GRIN3A: variants seen among roughly 807,000 people sequenced by gnomAD.
The protein encoded by GRIN3A is glutamate ionotropic receptor NMDA type subunit 3A.
In GRIN3A, 47 loss-of-function variants were observed where a neutral mutation model predicts 92.4. That is an observed-to-expected ratio of 0.51 (90% confidence interval 0.40 to 0.65). The LOEUF is 0.65. Ranked by LOEUF, GRIN3A falls within the 30% of genes least tolerant of loss-of-function variation. The pLI, the probability that GRIN3A is intolerant of heterozygous loss-of-function variation, is 0.00. For synonymous variants in GRIN3A, 527 were observed against 540.6 expected, an observed-to-expected ratio of 0.97 and a Z score of 0.35; for missense variants, 1,324 against 1,393.1, an observed-to-expected ratio of 0.95 and a Z score of 0.79.
chr9:101,637,760 G>C (rs541822924), intron 3 of GRIN3A, among the ~76,000 whole-genome samples: 1 of 152,282 alleles, frequency 6.6e-6, no homozygotes, highest in South Asian at 2.1e-4. Context: ...GCATAAAGGA[G>C]AGTTCTGAAC....
intron 1 of GRIN3A, among the ~76,000 whole-genome samples, chr9:101,721,895 T>A (rs7036726): frequency 0.75 from 113,724 of 152,136 alleles, 42,780 homozygotes; most frequent in Middle Eastern, 0.84. Context: ...GAAAATTTGC[T>A]GCCTGATGAT....
chr9:101,618,382 C>T (rs2118860242), intron 5 of GRIN3A, among the ~76,000 whole-genome samples: 1 of 152,040 alleles, frequency 6.6e-6, no homozygotes, highest in South Asian at 2.1e-4. Flanking sequence ...AAAAAGTGGG[C>T]AAAGGACATG....
chr9:101,619,745 GAT>G, intron 5 of GRIN3A, among the ~76,000 whole-genome samples: 1 of 152,288 alleles, frequency 6.6e-6, no homozygotes, highest in Admixed American at 6.5e-5. Context: ...TTGGCAGAAA[GAT>G]CACACATCAT....
chr9:101,578,984 A>T (rs1827858676), intron 7 of GRIN3A, among the ~76,000 whole-genome samples: 1 of 152,230 alleles, frequency 6.6e-6, no homozygotes, highest in Non-Finnish European at 1.5e-5. Context: ...GGAGGGTTAT[A>T]GGAAAGGAAG....
intron 3 of GRIN3A, among the ~76,000 whole-genome samples, chr9:101,659,771 C>A (rs529959748): frequency 1.3e-5 from 2 of 151,816 alleles, no homozygotes; most frequent in South Asian, 4.1e-4. Flanking sequence ...AAACTCAGCA[C>A]GGTATCTAAT....
intron 1 of GRIN3A, among the ~76,000 whole-genome samples, chr9:101,712,058 A>T (rs1207488595): frequency 2.0e-5 from 3 of 152,110 alleles, no homozygotes; most frequent in Non-Finnish European, 4.4e-5. Context: ...TAAGCCTCTA[A>T]ATATTTCTAT....
intron 5 of GRIN3A, among the ~76,000 whole-genome samples, chr9:101,621,462 G>T (rs929387988): frequency 6.6e-6 from 1 of 152,116 alleles, no homozygotes; most frequent in Non-Finnish European, 1.5e-5. Context: ...TTAATTTTCT[G>T]ATGTGTACCC....
At position 101,571,994 on chromosome 9, in the gene GRIN3A, C is replaced by T. The variant is rs903169548; in HGVS notation, c.*1180G>A. ...TAAGCAGAGGGGAGGTTACTTGTAT[C>T]AGTCTTTGGGGGGCATTAGATGAGG... is the stretch of plus-strand genomic sequence containing the variant. On this transcript the variant is annotated 3_prime_UTR_variant, in exon 9 of 9. Transcript: ENST00000361820. 1 of 152,208 alleles carries T rather than the reference C, an allele frequency of 6.6e-6. No homozygotes were observed. The highest frequency in any genetic ancestry group is 2.4e-5 in the African/African-American group (1 of 41,432). 9.4% of individuals were successfully genotyped at this position (152,208 alleles called of 1,614,324 possible).
At position 101,670,929 on chromosome 9, in the gene GRIN3A, T is replaced by C; in HGVS notation, c.1483A>G (p.Ile495Val). 6.2e-7 allele frequency: 1 copy of C among 1,613,884 alleles called. No homozygotes were observed. The highest frequency in any genetic ancestry group is 2.2e-5 in the East Asian group (1 of 44,848). The change falls in exon 3 of 9, where the codon ATA (isoleucine) becomes GTA (valine). Residue 495 changes from isoleucine (I) to valine (V), a missense_variant. By Grantham distance (29) the Ile-to-Val change is conservative. Coordinates refer to ENST00000361820, the MANE Select transcript of GRIN3A (RefSeq NM_133445.3). ...TGTCTCTGGGCCTGCTCTGGCCATA[T>C]TCCATAGTCCATGACAATCTTTCCC... ...QGGKIVMDYGIWPEQAQRHKT... is the reference protein window; with the variant it reads ...QGGKIVMDYGVWPEQAQRHKT...
chr9:101,679,269 A>G (rs1829438829), intron 2 of GRIN3A, among the ~76,000 whole-genome samples: 1 of 152,146 alleles, frequency 6.6e-6, no homozygotes, highest in South Asian at 2.1e-4. Flanking sequence ...TTTACAGTAG[A>G]TGCATATAAA....
intron 1 of GRIN3A, among the ~76,000 whole-genome samples, chr9:101,692,352 C>A (rs192299879): frequency 2.0e-5 from 3 of 152,270 alleles, no homozygotes; most frequent in African/African-American, 7.2e-5. Flanking sequence ...TTGGTGCCAA[C>A]TCCTGGAGAT....
Position 101,717,130 on chromosome 9 carries a change from G to C in GRIN3A, c.699+20151C>G, listed in dbSNP as rs184638175. Among the ~76,000 whole-genome samples, 13 of 152,292 alleles carry C rather than the reference G, an allele frequency of 8.5e-5. No individual in the cohort carries two copies. The East Asian group carries it at 2.5e-3, about 29-fold the overall frequency. The stretch of plus-strand genomic sequence containing the variant: ...GTACTGTGCATATATGAATAATCTG[G>C]AGGAGTTTGTTAAAAAGAAAACAGA... On this transcript the variant is annotated intron_variant, in intron 1 of 8. Coordinates refer to ENST00000361820, the MANE Select transcript of GRIN3A (RefSeq NM_133445.3).
intron 3 of GRIN3A, among the ~76,000 whole-genome samples, chr9:101,657,136 A>G (rs1829100185): frequency 6.6e-6 from 1 of 151,946 alleles, no homozygotes; most frequent in South Asian, 2.1e-4. Flanking sequence ...TAATTCCAAG[A>G]AATGACTGTT....
intron 1 of GRIN3A, among the ~76,000 whole-genome samples, chr9:101,732,379 C>A (rs1302328477): frequency 6.6e-6 from 1 of 152,098 alleles, no homozygotes; most frequent in African/African-American, 2.4e-5. Flanking sequence ...ATGTGAAGGA[C>A]CAACATTTCT....
chr9:101,688,568 T>A (rs183931939), intron 1 of GRIN3A, among the ~76,000 whole-genome samples: 1 of 152,132 alleles, frequency 6.6e-6, no homozygotes, highest in Non-Finnish European at 1.5e-5. Flanking sequence ...CTTGATTACA[T>A]GCTAAGTGTT....
chr9:101,677,402 C>A (rs1440843257), intron 2 of GRIN3A, among the ~76,000 whole-genome samples: 3 of 151,726 alleles, frequency 2.0e-5, no homozygotes, highest in Non-Finnish European at 1.5e-5. Context: ...TCCCTCTCCC[C>A]CTTTTCTTTT....
At chr9:101,717,458 G>A (rs1829961709) in intron 1 of GRIN3A, among the ~76,000 whole-genome samples, 1 of 152,148 alleles carries the variant, frequency 6.6e-6, no homozygotes, top group African/African-American at 2.4e-5. Flanking sequence ...ACAAACAGAT[G>A]GCTACCACAC....
At chr9:101,582,361 G>C (rs1440274540) in intron 6 of GRIN3A, among the ~76,000 whole-genome samples, 2 of 152,186 alleles carry the variant, frequency 1.3e-5, no homozygotes, top group Non-Finnish European at 2.9e-5. Context: ...GAAAAGGAAA[G>C]ACTAGAGCTG....
chr9:101,688,738 G>C (rs1829573712), intron 1 of GRIN3A, among the ~76,000 whole-genome samples: 1 of 152,100 alleles, frequency 6.6e-6, no homozygotes, highest in Non-Finnish European at 1.5e-5. Flanking sequence ...GGCTGTTATG[G>C]TGAAACCCCG....
Sources: gnomAD v4.1 joint callset for allele counts (sites outside exome capture counted in the v4.1 genomes callset) on GRCh38, gnomAD v4.1.1 for gene constraint, MANE v1.5 for transcripts, NCBI Gene and HGNC (gene_info 2026-07-23, HGNC 2026-07-21) for gene names.